KLC1: variants seen among roughly 807,000 people sequenced by gnomAD.
The protein encoded by KLC1 is kinesin 2 60/70kDa.
KLC1 carries 30 observed loss-of-function variants against 84.2 expected under a neutral mutation model. That is an observed-to-expected ratio of 0.36 (90% CI 0.27 to 0.48). The LOEUF (loss-of-function observed/expected upper bound fraction) is 0.48. KLC1 is among the 20% of genes least tolerant of loss of function. KLC1 has a pLI of 0.99. For missense variants in KLC1, 499 were observed against 805.4 expected, an observed-to-expected ratio of 0.62 and a Z score of 4.60; for synonymous variants, 289 against 293.3, an observed-to-expected ratio of 0.99 and a Z score of 0.15.
At chr14:103,643,786 G>T (rs1015660092) in intron 1 of KLC1, among the ~76,000 whole-genome samples, 2 of 152,102 alleles carry the variant, frequency 1.3e-5, no homozygotes, top group Non-Finnish European at 2.9e-5. Context: ...AAATTAGCCT[G>T]GCGTGGTGGT....
chr14:103,631,943 TCAAGA>T (rs1227092851), intron 1 of KLC1, among the ~76,000 whole-genome samples: 2 of 152,256 alleles, frequency 1.3e-5, no homozygotes, highest in South Asian at 4.1e-4. Flanking sequence ...AGTAATATAC[TCAAGA>T]CGAGAGTATT....
chr14:103,694,981 C>A lies in KLC1; in HGVS notation c.1848+2556C>A, dbSNP rs1037719111. Reference sequence around the variant, plus strand: ...CTGGCCCAGGAGCTGCCCTGTGGAGCCAGCGTTGTCCCCGAGCTGCTCGCC... The same window carrying A: ...CTGGCCCAGGAGCTGCCCTGTGGAGACAGCGTTGTCCCCGAGCTGCTCGCC... On this transcript the variant is annotated intron_variant, in intron 15 of 16. Coordinates refer to ENST00000334553, the MANE Select transcript of KLC1 (RefSeq NM_001394837.1). This position sits in a 1 kb window ranked among gnomAD's most constrained non-coding sequence, Gnocchi z 4.5. The A allele has an allele frequency of 4.8e-4, 473 of 985,282 alleles. 1 individual carries two copies. Among genetic ancestry groups the A allele is most frequent in the Non-Finnish European group, 5.5e-4 (458 of 829,928 alleles). The allele number at this position is 985,282 out of a possible 1,614,324, so 61.0% of individuals were successfully genotyped here. A position where few individuals can be genotyped will look rare whatever the true frequency, so the allele number is the denominator to read the frequency against.
In KLC1 at chr14:103,679,724, A is replaced by G. The variant is rs929457041; in HGVS notation, c.1650+179A>G. The stretch of plus-strand genomic sequence containing the variant: ...AAGTCTGTTATTTGTTTAAAGTGGT[A>G]ATTTTCTTCTCAGGAATCCATGAAA... On this transcript the variant is annotated intron_variant, in intron 13 of 16. Transcript: ENST00000334553. 3 of 546,924 alleles carry G rather than the reference A, an allele frequency of 5.5e-6. No homozygotes were observed. In the South Asian group the frequency reaches 8.4e-5, roughly 15 times the overall value. The allele number at this position is 546,924 out of a possible 1,614,324, so 33.9% of individuals were successfully genotyped here.
chr14:103,656,968 T>C (rs1035193181), intron 2 of KLC1, among the ~76,000 whole-genome samples: 1 of 152,162 alleles, frequency 6.6e-6, no homozygotes, highest in African/African-American at 2.4e-5. Context: ...GAGCACTCTG[T>C]AGGCAGAGCC....
intron 15 of KLC1, chr14:103,695,133 T>C: frequency 1.0e-6 from 1 of 980,272 alleles, no homozygotes; most frequent in Non-Finnish European, 1.2e-6. Flanking sequence ...TAATAGTGGA[T>C]GGGATTAAAA....
In KLC1 at chr14:103,672,811, C is replaced by T. The variant is rs189076854; in HGVS notation, c.988-203C>T. 1.2e-3 allele frequency among the ~76,000 whole-genome samples: 189 copies of T among 152,218 alleles called. 1 individual carries two copies. Among genetic ancestry groups the T allele is most frequent in the African/African-American group, 3.9e-3 (163 of 41,504 alleles). On this transcript the variant is annotated intron_variant, in intron 7 of 16. Transcript: ENST00000334553. ...CAGCTAAAGAAGATGAGCACAGTTCCCTCCCTCCCCTCATGAATAAGAATT... is the reference window on the plus strand; with the variant it reads ...CAGCTAAAGAAGATGAGCACAGTTCTCTCCCTCCCCTCATGAATAAGAATT...
At chr14:103,647,279 A>G (rs2078016329) in intron 1 of KLC1, among the ~76,000 whole-genome samples, 1 of 151,960 alleles carries the variant, frequency 6.6e-6, no homozygotes, top group African/African-American at 2.4e-5. Flanking sequence ...GCTGGAGTGC[A>G]GTGGCAGGAT....
At chr14:103,640,698 T>G (rs2077420826) in intron 1 of KLC1, among the ~76,000 whole-genome samples, 1 of 152,220 alleles carries the variant, frequency 6.6e-6, no homozygotes, top group African/African-American at 2.4e-5. Flanking sequence ...GTATACTTTT[T>G]TGGTTTTGTT....
intron 1 of KLC1, among the ~76,000 whole-genome samples, chr14:103,642,929 C>T (rs770206123): frequency 1.6e-4 from 24 of 151,776 alleles, no homozygotes; most frequent in Non-Finnish European, 2.6e-4. Flanking sequence ...CCACCACGCC[C>T]GGCTAATTTT....
Position 103,643,652 on chromosome 14 carries a change from G to T in KLC1, c.-1-10912G>T, listed in dbSNP as rs147114397. Among the ~76,000 whole-genome samples the T allele has an allele frequency of 1.7e-3, 258 of 152,326 alleles. 6 individuals carry two copies. In the East Asian group the frequency reaches 0.019, roughly 11 times the overall value. The stretch of plus-strand genomic sequence containing the variant: ...TTTAAGAAATACATTGGTTGACCGG[G>T]CATGGTGGCTCACGCCTGTAATCCC... On this transcript the variant is annotated intron_variant, in intron 1 of 16. Transcript: ENST00000334553.
In KLC1 at chr14:103,679,537, T is replaced by C. The variant is rs962998969; in HGVS notation, c.1642T>C (p.Trp548Arg). The C allele has an allele frequency of 8.1e-6, 13 of 1,613,146 alleles. No individual in the cohort carries two copies. The highest frequency in any genetic ancestry group is 1.0e-5 in the Non-Finnish European group (12 of 1,179,522). Residue 548 changes from tryptophan (W) to arginine (R), a missense_variant, in exon 13 of 17, where the codon TGG becomes CGG. Coordinates refer to ENST00000334553, the MANE Select transcript of KLC1 (RefSeq NM_001394837.1). ...GGEEVSMSVEWNGDGTGSLKR... is the reference protein window; with the variant it reads ...GGEEVSMSVERNGDGTGSLKR... ...GGAGGAAGTGAGTATGAGCGTAGAG[T>C]GGAACGGGGTAAGTACAGTACACAG...
At chr14:103,662,587 C>T (rs2079388672) in intron 4 of KLC1, 115 bp from the exon 5 acceptor site, 1 of 779,892 alleles carries the variant, frequency 1.3e-6, no homozygotes, top group Non-Finnish European at 2.0e-6. Flanking sequence ...ATTTAAATAG[C>T]ACTGGGGGCC....
intron 1 of KLC1, among the ~76,000 whole-genome samples, chr14:103,637,089 T>G (rs566090818): frequency 7.9e-5 from 12 of 151,954 alleles, no homozygotes; most frequent in African/African-American, 2.7e-4. Flanking sequence ...TTGCCCAGGC[T>G]GACGTATTTT....
intron 9 of KLC1, among the ~76,000 whole-genome samples, chr14:103,675,057 G>T (rs911362994): frequency 6.6e-6 from 1 of 152,128 alleles, no homozygotes; most frequent in Non-Finnish European, 1.5e-5. Flanking sequence ...GGCTGGGCGC[G>T]GTGGCTCACG....
intron 14 of KLC1, chr14:103,688,143 CTCTG>C (rs1434385065): frequency 6.6e-6 from 1 of 152,166 alleles, no homozygotes; most frequent in Admixed American, 6.6e-5. Flanking sequence ...TGTTTCGTTA[CTCTG>C]TCTTTTTCGT....
At chr14:103,669,374 C>T (rs2080183030) in intron 5 of KLC1, 137 bp from the exon 6 acceptor site, 3 of 512,346 alleles carry the variant, frequency 5.9e-6, no homozygotes, top group African/African-American at 2.0e-5. Context: ...GCGGAGGTTG[C>T]AGTGAGCCAA....
At chr14:103,663,714 G>C (rs968034609) in intron 5 of KLC1, among the ~76,000 whole-genome samples, 15 of 152,274 alleles carry the variant, frequency 9.9e-5, no homozygotes, top group Admixed American at 9.8e-4. Context: ...TGGGCTCTCA[G>C]TTGTGTGGTA....
Position 103,677,383 on chromosome 14 carries a change from C to T in KLC1, c.1380-32C>T, listed in dbSNP as rs754803113. 8 of 1,294,728 alleles carry T rather than the reference C, an allele frequency of 6.2e-6. No homozygotes were observed. The South Asian group carries it at 8.3e-5, about 13-fold the overall frequency. The allele number at this position is 1,294,728 out of a possible 1,614,324, so 80.2% of individuals were successfully genotyped here. A position where few individuals can be genotyped will look rare whatever the true frequency, so the allele number is the denominator to read the frequency against. On this transcript the variant is annotated intron_variant, in intron 11 of 16. Transcript: ENST00000334553. Reference sequence around the variant, plus strand: ...TAGTGGTTGTTCAGAGCTTATATGTCATAGTTCTGTATGTCATGTGCTTTC... The same window carrying T: ...TAGTGGTTGTTCAGAGCTTATATGTTATAGTTCTGTATGTCATGTGCTTTC...
At chr14:103,637,597 A>G (rs2077145496) in intron 1 of KLC1, among the ~76,000 whole-genome samples, 1 of 152,080 alleles carries the variant, frequency 6.6e-6, no homozygotes, top group Non-Finnish European at 1.5e-5. Context: ...CCTAAGCAAC[A>G]TCCGCTTTCC....
Sources: gnomAD v4.1 joint callset for allele counts (sites outside exome capture counted in the v4.1 genomes callset) on GRCh38, gnomAD v4.1.1 for gene constraint, Gnocchi (gnomAD v3.1) non-coding constraint, MANE v1.5 for transcripts, NCBI Gene and HGNC (gene_info 2026-07-23, HGNC 2026-07-21) for gene names.